The following EPHA1 variants were observed in gnomAD, a reference collection of about 807,000 sequenced individuals.
EPHA1 encodes EPH receptor A1, also known as ephrin type-A receptor 1.
A neutral mutation model predicts 110.1 loss-of-function variants in EPHA1; 92 were observed. The ratio of observed to expected loss-of-function variants is 0.84; its 90% CI spans 0.71 to 0.99. The LOEUF is 0.99. Ranked by LOEUF, EPHA1 falls within the 50% of genes least tolerant of loss-of-function variation. The pLI is 0.00. For synonymous variants in EPHA1, 500 were observed against 516.1 expected (o/e 0.97, Z 0.42); for missense variants, 1,204 against 1,285.4 (o/e 0.94, Z 0.97).
At chr7:143,406,996 C>A (rs968680720) in intron 2 of EPHA1, among the ~76,000 whole-genome samples, 1 of 152,144 alleles carries the variant, frequency 6.6e-6, no homozygotes, top group Non-Finnish European at 1.5e-5. Context: ...ATGGTGTGCA[C>A]GCAGTCAGCC....
intron 7 of EPHA1, 112 bp downstream of exon 7, chr7:143,398,209 A>G (rs1452861275): frequency 5.7e-6 from 9 of 1,579,624 alleles, no homozygotes; most frequent in Non-Finnish European, 6.9e-6. Context: ...TGTCCTGAGA[A>G]AGCCACACAG....
chr7:143,408,565 G>A (rs949994113), intron 1 of EPHA1, among the ~76,000 whole-genome samples, 159 bp downstream of exon 1: 4 of 151,740 alleles, frequency 2.6e-5, no homozygotes, highest in Admixed American at 6.6e-5. Flanking sequence ...AGATGGGCCT[G>A]GCCAGTCGAT....
intron 7 of EPHA1, 23 bp downstream of exon 7, chr7:143,398,298 C>T (rs758725428): frequency 1.2e-6 from 2 of 1,613,398 alleles, no homozygotes; most frequent in South Asian, 2.2e-5. Context: ...ACACTGAAGA[C>T]CATCTCTCAG....
In EPHA1 at chr7:143,395,754, G is replaced by A. The variant is rs930674978; in HGVS notation, c.1898-250C>T. ...AGTTCTTGGCTCACAATAGGCGCTCGGCAACTGCAGGGTGAATGAACCCTG... is the reference window on the plus strand; with the variant it reads ...AGTTCTTGGCTCACAATAGGCGCTCAGCAACTGCAGGGTGAATGAACCCTG... On this transcript the variant is annotated intron_variant, in intron 11 of 17. Coordinates refer to ENST00000275815, the MANE Select transcript of EPHA1 (RefSeq NM_005232.5). The surrounding 1 kb of genome is among the most constrained non-coding windows in gnomAD (Gnocchi z 4.7). Among the ~76,000 whole-genome samples the A allele has an allele frequency of 6.6e-6, 1 of 152,188 alleles. No homozygotes were observed. Among genetic ancestry groups the A allele is most frequent in the African/African-American group, 2.4e-5 (1 of 41,452 alleles).
chr7:143,406,159 G>T (rs1294800763), intron 2 of EPHA1, among the ~76,000 whole-genome samples: 1 of 152,210 alleles, frequency 6.6e-6, no homozygotes, highest in Non-Finnish European at 1.5e-5. Flanking sequence ...CTAGACTGGG[G>T]TGGGGGAGGC....
At chr7:143,397,807 G>C in intron 8 of EPHA1, 113 bp downstream of exon 8, 2 of 1,521,116 alleles carry the variant, frequency 1.3e-6, no homozygotes, top group Non-Finnish European at 9.0e-7. Flanking sequence ...AGAAGGGAGT[G>C]TGTGTGCATG....
In EPHA1 at chr7:143,399,253, C is replaced by T. The variant is rs567650327; in HGVS notation, c.991+5G>A. On this transcript the variant is annotated splice_donor_5th_base_variant and intron_variant, in intron 5 of 17. Transcript: ENST00000275815. ...AGATGGCCACGCCCCACCCCCTGGA[C>T]TCACCTGTGCATGCCACCTGGGGGC... 35 of 1,611,062 alleles carry T rather than the reference C, an allele frequency of 2.2e-5. 1 individual carries two copies. The South Asian group carries it at 3.5e-4, about 16-fold the overall frequency.
chr7:143,393,937 A>T lies in EPHA1; in HGVS notation c.2503-73T>A. The stretch of plus-strand genomic sequence containing the variant: ...AGGCCCATGAGAAACCGACGGTCAC[A>T]CAAGATAATTGCAGTGGAGATCCTA... On this transcript the variant is annotated intron_variant, in intron 15 of 17. Coordinates refer to ENST00000275815, the MANE Select transcript of EPHA1 (RefSeq NM_005232.5). This position sits in a 1 kb window ranked among gnomAD's most constrained non-coding sequence, Gnocchi z 5.6. The T allele has an allele frequency of 6.8e-7, 1 of 1,475,240 alleles. No homozygotes were observed. Among genetic ancestry groups the T allele is most frequent in the Non-Finnish European group, 9.1e-7 (1 of 1,100,918 alleles). The allele number at this position is 1,475,240 out of a possible 1,614,324, so 91.4% of individuals were successfully genotyped here. A position where few individuals can be genotyped will look rare whatever the true frequency, so the allele number is the denominator to read the frequency against.
At chr7:143,392,264 A>G (rs1805109030) in intron 16 of EPHA1, among the ~76,000 whole-genome samples, 1 of 152,236 alleles carries the variant, frequency 6.6e-6, no homozygotes, top group South Asian at 2.1e-4. Context: ...CACCCACAAT[A>G]CAATGAGTGT....
chr7:143,394,915 C>G lies in EPHA1; in HGVS notation c.2245G>C (p.Asp749His), dbSNP rs778478420. 1.2e-6 allele frequency: 2 copies of G among 1,614,136 alleles called. No individual in the cohort carries two copies. Among genetic ancestry groups the G allele is most frequent in the Non-Finnish European group, 1.7e-6 (2 of 1,180,030 alleles). Residue 749 changes from aspartate (D) to histidine (H), a missense_variant, in exon 14 of 18, where the codon GAC becomes CAC. By Grantham distance (81) the Asp-to-His change is moderately conservative (BLOSUM62 -1). Coordinates refer to ENST00000275815, the MANE Select transcript of EPHA1 (RefSeq NM_005232.5). ...YLSNHNYVHR[D>H]LAARNILVNQ... is the part of the protein sequence containing the mutation. The stretch of plus-strand genomic sequence containing the variant: ...ACCAAGATGTTTCTGGCAGCCAGGT[C>G]CCGGTGGACATAATTGTGATTACTG...
rs185706866 is a variant in EPHA1 at position 143,397,545 on chromosome 7, G to T, written c.1712+16C>A. The T allele has an allele frequency of 6.2e-7, 1 of 1,613,790 alleles. No individual in the cohort carries two copies. Among genetic ancestry groups the T allele is most frequent in the South Asian group, 1.1e-5 (1 of 91,078 alleles). ...GACCCAGGGCTGGTGGTTGGGGAGG[G>T]GGCAGGAGCTGGCACCTGGACCGGA... On this transcript the variant is annotated intron_variant, in intron 9 of 17. Coordinates refer to ENST00000275815, the MANE Select transcript of EPHA1 (RefSeq NM_005232.5).
intron 9 of EPHA1, 33 bp downstream of exon 9, chr7:143,397,528 G>T (rs775445317): frequency 5.0e-6 from 8 of 1,611,386 alleles, no homozygotes; most frequent in South Asian, 2.2e-5. Context: ...CTGACCCAGG[G>T]CTGGTGGTTG....
chr7:143,398,923 G>C lies in EPHA1; in HGVS notation c.1014C>G (p.Asn338Lys). The change falls in exon 6 of 18, where the codon AAC (asparagine) becomes AAG (lysine). Residue 338 changes from asparagine (N) to lysine (K), a missense_variant. By Grantham distance (94) the Asn-to-Lys change is moderately conservative. Transcript: ENST00000275815. The stretch of plus-strand genomic sequence containing the variant: ...GAGTCCCTGAGGCAGAGAAGCTCAG[G>C]TTTCGGGGGGCCGAGGGGGGACCTG... Reference protein sequence around the residue: ...ACTGPPSAPRNLSFSASGTQL... With the variant: ...ACTGPPSAPRKLSFSASGTQL... 1 of 1,610,000 alleles carries C rather than the reference G, an allele frequency of 6.2e-7. No individual in the cohort carries two copies. Among genetic ancestry groups the C allele is most frequent in the South Asian group, 1.1e-5 (1 of 90,746 alleles).
At chr7:143,403,646 T>C (rs958227641) in intron 2 of EPHA1, among the ~76,000 whole-genome samples, 4 of 152,180 alleles carry the variant, frequency 2.6e-5, no homozygotes, top group Non-Finnish European at 5.9e-5. Flanking sequence ...CCAAAAAAGG[T>C]TTATCAATTT....
Position 143,399,963 on chromosome 7 carries a change from G to A in EPHA1, c.523C>T (p.Arg175Cys), listed in dbSNP as rs1377529661. The stretch of plus-strand genomic sequence containing the variant: ...AGGTAGAGGCCACGGCGGGTCAGGC[G>A]GCCCAGAGAGCAGCGCTCCACATTC... ...KLNVERCSLG[R>C]LTRRGLYLAF... Residue 175 changes from arginine (R) to cysteine (C), a missense_variant, in exon 4 of 18, where the codon CGC (arginine) becomes TGC (cysteine). Coordinates refer to ENST00000275815, the MANE Select transcript of EPHA1 (RefSeq NM_005232.5). The A allele has an allele frequency of 2.0e-5, 32 of 1,613,716 alleles. No individual in the cohort carries two copies. Among genetic ancestry groups the A allele is most frequent in the Non-Finnish European group, 2.3e-5 (27 of 1,179,836 alleles).
intron 11 of EPHA1, among the ~76,000 whole-genome samples, 189 bp downstream of exon 11, chr7:143,396,196 G>A (rs1805239294): frequency 6.6e-6 from 1 of 152,232 alleles, no homozygotes; most frequent in African/African-American, 2.4e-5. Context: ...CACCTGATGA[G>A]GGGTTTTTAA....
Position 143,398,655 on chromosome 7 carries a change from G to T in EPHA1, c.1282C>A (p.Leu428Met). Residue 428 changes from leucine (L) to methionine (M), a missense_variant, in exon 6 of 18, where the codon CTG becomes ATG. Transcript: ENST00000275815. Reference protein sequence around the residue: ...NVEAQNGVSGLGSSGHASTSV... With the variant: ...NVEAQNGVSGMGSSGHASTSV... ...GTGCTGGCATGGCCAGAGCTGCCCA[G>T]CCCTGACACTCCATTTTGGGCTTCC... 1 of 1,614,112 alleles carries T rather than the reference G, an allele frequency of 6.2e-7. No individual in the cohort carries two copies. The highest frequency in any genetic ancestry group is 8.5e-7 in the Non-Finnish European group (1 of 1,180,004).
chr7:143,397,839 T>A (rs144350036), intron 8 of EPHA1, 81 bp downstream of exon 8: 5 of 1,581,752 alleles, frequency 3.2e-6, no homozygotes, highest in Non-Finnish European at 3.5e-6. Context: ...AGAGGAAAAG[T>A]CACTACGTGG....
chr7:143,408,792 C>T lies in EPHA1; in HGVS notation c.14G>A (p.Trp5Ter), dbSNP rs1409667882. The change falls in exon 1 of 18, where the codon TGG becomes TAG. Residue 5 changes from tryptophan (W) to a stop codon, truncating the protein, a stop_gained. Coordinates refer to ENST00000275815, the MANE Select transcript of EPHA1 (RefSeq NM_005232.5). LOFTEE classifies it high-confidence loss of function. Reference sequence around the variant, plus strand: ...CAGCACCAGCCCTAGCCCCAGGGGCCAGCGCCGCTCCATAGCTCCGGGCCG... The same window carrying T: ...CAGCACCAGCCCTAGCCCCAGGGGCTAGCGCCGCTCCATAGCTCCGGGCCG... MERR[W>*]PLGLGLVLLL... 2 of 1,224,074 alleles carry T rather than the reference C, an allele frequency of 1.6e-6. No homozygotes were observed. Among genetic ancestry groups the T allele is most frequent in the Admixed American group, 4.3e-5 (1 of 23,382 alleles). The allele number at this position is 1,224,074 out of a possible 1,614,324, so 75.8% of individuals were successfully genotyped here.
Sources: gnomAD v4.1 joint callset for allele counts (sites outside exome capture counted in the v4.1 genomes callset) on GRCh38, gnomAD v4.1.1 for gene constraint, Gnocchi (gnomAD v3.1) non-coding constraint, MANE v1.5 for transcripts, NCBI Gene and HGNC (gene_info 2026-07-23, HGNC 2026-07-21) for gene names.